The following HDGFL2 variants were observed in gnomAD, a reference collection of about 807,000 sequenced individuals.
HDGFL2 encodes the protein hepatoma-derived growth factor-related protein 2.
HDGFL2 carries 36 observed loss-of-function variants against 77.1 expected under a neutral mutation model. The ratio of observed to expected loss-of-function variants is 0.47; its 90% CI spans 0.36 to 0.62. The LOEUF (loss-of-function observed/expected upper bound fraction) is 0.62, where lower values mean the gene tolerates loss of function less well. Ranked by LOEUF, HDGFL2 falls within the 20% of genes least tolerant of loss-of-function variation. The probability of loss-of-function intolerance (pLI) is 0.00; values close to 1 mark genes in which losing one functional copy is unlikely to be tolerated. For missense variants in HDGFL2, 976 were observed against 973.4 expected (o/e 1.00, Z -0.04); for synonymous variants, 463 against 413.1 (o/e 1.12, Z -1.46).
chr19:4,474,574 C>G (rs1438924362), intron 1 of HDGFL2, among the ~76,000 whole-genome samples: 3 of 152,160 alleles, frequency 2.0e-5, no homozygotes, highest in Non-Finnish European at 1.5e-5. Context: ...AGAAGCCACT[C>G]CAGCCTGCTG....
Position 4,494,164 on chromosome 19 carries a change from A to G in HDGFL2, c.915-2A>G. On this transcript the variant is annotated splice_acceptor_variant, in intron 8 of 15. Transcript: ENST00000616600. LOFTEE classifies it high-confidence loss of function. ...GTCCCCAACCGCCCCCTCCGCCTCC[A>G]GTGACAGCGACGAGGTGGACCGCAT... 1 of 1,492,782 alleles carries G rather than the reference A, an allele frequency of 6.7e-7. No individual in the cohort carries two copies. Among genetic ancestry groups the G allele is most frequent in the Admixed American group, 2.4e-5 (1 of 41,114 alleles). 92.5% of individuals were successfully genotyped at this position (1,492,782 alleles called of 1,614,324 possible). A position where few individuals can be genotyped will look rare whatever the true frequency, so the allele number is the denominator to read the frequency against.
intron 4 of HDGFL2, 75 bp downstream of exon 4, chr19:4,488,951 CCTTTT>C: frequency 9.8e-7 from 1 of 1,023,460 alleles, no homozygotes; most frequent in Non-Finnish European, 1.4e-6. Flanking sequence ...GCTCTCCTGC[CCTTTT>C]TTTTTTTTTT....
At chr19:4,484,560 T>A (rs1975309810) in intron 3 of HDGFL2, among the ~76,000 whole-genome samples, 1 of 151,366 alleles carries the variant, frequency 6.6e-6, no homozygotes, top group Admixed American at 6.6e-5. Flanking sequence ...AGTGCAGTGG[T>A]GCGATCTCGG....
rs1975905986 is a variant in HDGFL2 at position 4,501,923 on chromosome 19, G to A, written c.1929G>A (p.Glu643=). The change falls in exon 16 of 16, where the codon GAG becomes GAA. Residue 643 remains glutamate, a synonymous_variant. Transcript: ENST00000616600. ...SSEDLHDSVR[E]GPDLDRPGSD... The stretch of plus-strand genomic sequence containing the variant: ...CTGTTCCCACCAGCAGCGTACGGGA[G>A]GGTCCCGACCTGGACAGGCCTGGGA... 6.8e-7 allele frequency: 1 copy of A among 1,472,396 alleles called. No individual in the cohort carries two copies. Among genetic ancestry groups the A allele is most frequent in the Admixed American group, 2.9e-5 (1 of 34,926 alleles). 91.2% of individuals were successfully genotyped at this position (1,472,396 alleles called of 1,614,324 possible). A position where few individuals can be genotyped will look rare whatever the true frequency, so the allele number is the denominator to read the frequency against.
At chr19:4,485,493 CT>C (rs1281766000) in intron 3 of HDGFL2, among the ~76,000 whole-genome samples, 1 of 151,458 alleles carries the variant, frequency 6.6e-6, no homozygotes, top group East Asian at 2.0e-4. Flanking sequence ...AATCTCAGCA[CT>C]TTGGGAGGCC....
chr19:4,489,743 A>T (rs1309064882), intron 4 of HDGFL2, among the ~76,000 whole-genome samples: 2 of 152,020 alleles, frequency 1.3e-5, no homozygotes, highest in African/African-American at 4.8e-5. Context: ...GTATGCATTT[A>T]AAAAAAATTG....
chr19:4,499,696 C>T lies in HDGFL2; in HGVS notation c.1781C>T (p.Pro594Leu). 1 of 1,571,418 alleles carries T rather than the reference C, an allele frequency of 6.4e-7. No individual in the cohort carries two copies. Among genetic ancestry groups the T allele is most frequent in the South Asian group, 1.2e-5 (1 of 86,252 alleles). Residue 594 changes from proline to leucine, a missense_variant, in exon 14 of 16, where the codon CCC (proline) becomes CTC (leucine). Coordinates refer to ENST00000616600, the MANE Select transcript of HDGFL2 (RefSeq NM_001001520.3). ...EAPQEKAEDKPSTDLSAPVNG... is the reference protein window; with the variant it reads ...EAPQEKAEDKLSTDLSAPVNG... ...CCCCAGGAGAAGGCGGAGGACAAGCCCAGCACCGGTGAGGGGCGGGTGGGG... is the reference window on the plus strand; with the variant it reads ...CCCCAGGAGAAGGCGGAGGACAAGCTCAGCACCGGTGAGGGGCGGGTGGGG...
At position 4,499,502 on chromosome 19, in the gene HDGFL2, C is replaced by T; in HGVS notation, c.1587C>T (p.Tyr529=). 4 of 1,613,316 alleles carry T rather than the reference C, an allele frequency of 2.5e-6. No homozygotes were observed. Among genetic ancestry groups the T allele is most frequent in the South Asian group, 1.1e-5 (1 of 90,978 alleles). The change falls in exon 14 of 16, where the codon TAC becomes TAT. Residue 529 remains tyrosine, a synonymous_variant. Transcript: ENST00000616600. The part of the protein sequence containing the change: ...VVATLKKIRR[Y]KANKDVMEKA... ...CTCTTGGTGGCCAGATTCGCCGTTA[C>T]AAAGCGAACAAGGACGTAATGGAGA...
In HDGFL2 at chr19:4,493,990, C is replaced by T. The variant is rs1294518222; in HGVS notation, c.847C>T (p.Pro283Ser). 1 of 1,610,180 alleles carries T rather than the reference C, an allele frequency of 6.2e-7. No individual in the cohort carries two copies. The highest frequency in any genetic ancestry group is 1.7e-5 in the Admixed American group (1 of 59,680). Residue 283 changes from proline to serine, a missense_variant, in exon 8 of 16, where the codon CCT becomes TCT. By Grantham distance (74) the Pro-to-Ser change is moderately conservative. Around this residue, in one of 5 missense-constraint regions of HDGFL2, gnomAD observed 567 missense variants for 534.7 expected, o/e 1.06. Coordinates refer to ENST00000616600, the MANE Select transcript of HDGFL2 (RefSeq NM_001001520.3). ...TCCTCCTCTTCCTGTAGCGGAGAAG[C>T]CTCTCCCGAAGCCGCGAGGGCGGAA... ...PPRGRKPAEK[P>S]LPKPRGRKPK... is the part of the protein sequence containing the mutation.
intron 3 of HDGFL2, among the ~76,000 whole-genome samples, chr19:4,488,462 G>T (rs528717335): frequency 6.6e-6 from 1 of 152,120 alleles, no homozygotes. Context: ...CCCGCGGCCC[G>T]ACCCTAGTGC....
intron 3 of HDGFL2, among the ~76,000 whole-genome samples, chr19:4,481,352 G>T (rs1262410899): frequency 2.0e-5 from 3 of 152,016 alleles, no homozygotes; most frequent in African/African-American, 7.2e-5. Flanking sequence ...CACCACTCCT[G>T]GCTAATTTTT....
chr19:4,491,532 C>G, intron 4 of HDGFL2, 34 bp from the exon 5 acceptor site: 1 of 1,587,754 alleles, frequency 6.3e-7, no homozygotes, highest in Non-Finnish European at 8.6e-7. Context: ...CCCGGCCTTC[C>G]CATCACTGAG....
At chr19:4,498,095 G>T (rs979385950) in intron 11 of HDGFL2, 64 bp downstream of exon 11, 52 of 1,438,470 alleles carry the variant, frequency 3.6e-5, no homozygotes, top group Admixed American at 2.4e-4. Context: ...GACAGCCGTG[G>T]CGTGGCTGGC....
At chr19:4,494,118 G>T in intron 8 of HDGFL2, 48 bp from the exon 9 acceptor site, 2 of 1,506,036 alleles carry the variant, frequency 1.3e-6, no homozygotes, top group African/African-American at 2.8e-5. Flanking sequence ...GGCAGGGCGG[G>T]CTCCTGAGGG....
In HDGFL2 at chr19:4,494,148, C is replaced by T. The variant is rs765627343; in HGVS notation, c.915-18C>T. 3 of 1,488,762 alleles carry T rather than the reference C, an allele frequency of 2.0e-6. No homozygotes were observed. The highest frequency in any genetic ancestry group is 2.5e-5 in the East Asian group (1 of 39,884). 92.2% of individuals were successfully genotyped at this position (1,488,762 alleles called of 1,614,324 possible). On this transcript the variant is annotated intron_variant, in intron 8 of 15. Coordinates refer to ENST00000616600, the MANE Select transcript of HDGFL2 (RefSeq NM_001001520.3). ...TGAGGGAGGAACGGAGGTCCCCAAC[C>T]GCCCCCTCCGCCTCCAGTGACAGCG...
Position 4,476,328 on chromosome 19 carries a change from G to A in HDGFL2, c.288+745G>A, listed in dbSNP as rs915484350. 2.0e-5 allele frequency among the ~76,000 whole-genome samples: 3 copies of A among 151,064 alleles called. No individual in the cohort carries two copies. In the East Asian group the frequency reaches 5.8e-4, roughly 29 times the overall value. On this transcript the variant is annotated intron_variant, in intron 3 of 15. Coordinates refer to ENST00000616600, the MANE Select transcript of HDGFL2 (RefSeq NM_001001520.3). ...CTGCCTCAGACGCCCGAGTTGCTGGGATTACAGGTGCCCACCACCACACCC... is the reference window on the plus strand; with the variant it reads ...CTGCCTCAGACGCCCGAGTTGCTGGAATTACAGGTGCCCACCACCACACCC...
intron 3 of HDGFL2, among the ~76,000 whole-genome samples, chr19:4,482,087 C>T (rs1975235472): frequency 8.1e-6 from 1 of 123,536 alleles, no homozygotes; most frequent in African/African-American, 3.2e-5. Flanking sequence ...GGCTGGAGTG[C>T]AGTGGCGCGA....
chr19:4,475,514 G>A lies in HDGFL2; in HGVS notation c.219G>A (p.Lys73=). ...KCKDKYGKPN[K]RKGFNEGLWE... Reference sequence around the variant, plus strand: ...AAGACAAGTACGGGAAGCCCAACAAGAGGAAAGGCTTCAATGAAGGGCTGT... The same window carrying A: ...AAGACAAGTACGGGAAGCCCAACAAAAGGAAAGGCTTCAATGAAGGGCTGT... The change falls in exon 3 of 16, where the codon AAG becomes AAA. Residue 73 remains lysine (K), a synonymous_variant. Transcript: ENST00000616600. 1 of 1,604,238 alleles carries A rather than the reference G, an allele frequency of 6.2e-7. No individual in the cohort carries two copies. Among genetic ancestry groups the A allele is most frequent in the Middle Eastern group, 1.7e-4 (1 of 6,000 alleles).
chr19:4,501,936 G>C lies in HDGFL2; in HGVS notation c.1942G>C (p.Asp648His). The C allele has an allele frequency of 6.7e-7, 1 of 1,489,884 alleles. No individual in the cohort carries two copies. Among genetic ancestry groups the C allele is most frequent in the Middle Eastern group, 2.3e-4 (1 of 4,260 alleles). 92.3% of individuals were successfully genotyped at this position (1,489,884 alleles called of 1,614,324 possible). A position where few individuals can be genotyped will look rare whatever the true frequency, so the allele number is the denominator to read the frequency against. ...HDSVREGPDL[D>H]RPGSDRQERE... ...CAGCGTACGGGAGGGTCCCGACCTG[G>C]ACAGGCCTGGGAGCGACCGGCAGGA... Residue 648 changes from aspartate (D) to histidine (H), a missense_variant, in exon 16 of 16, where the codon GAC (aspartate) becomes CAC (histidine). By Grantham distance (81) the Asp-to-His change is moderately conservative (BLOSUM62 -1). Around this residue, in one of 5 missense-constraint regions of HDGFL2, gnomAD observed 229 missense variants for 187.3 expected, o/e 1.22. Transcript: ENST00000616600.
Sources: allele counts gnomAD v4.1 joint callset (sites outside exome capture counted in the v4.1 genomes callset), GRCh38; gene constraint gnomAD v4.1.1; regional missense constraint gnomAD v4.1.1; transcripts MANE v1.5; gene names NCBI Gene and HGNC (gene_info 2026-07-23, HGNC 2026-07-21).